The following F7 variants were observed in gnomAD, a reference collection of about 807,000 sequenced individuals.
F7 encodes the protein FVII coagulation protein.
F7 carries 38 observed loss-of-function variants against 47.5 expected under a neutral mutation model. The observed-to-expected ratio is 0.80, with a 90% CI of 0.62 to 1.05. F7 has a LOEUF of 1.05. F7 is among the 50% of genes least tolerant of loss of function. The pLI, the probability that F7 is intolerant of heterozygous loss-of-function variation, is 0.00. For synonymous variants in F7, 244 were observed against 258.5 expected, an observed-to-expected ratio of 0.94 and a Z score of 0.54; for missense variants, 575 against 605.4, an observed-to-expected ratio of 0.95 and a Z score of 0.53.
intron 2 of F7, among the ~76,000 whole-genome samples, chr13:113,111,093 A>G (rs577440720): frequency 6.6e-6 from 1 of 152,260 alleles, no homozygotes; most frequent in African/African-American, 2.4e-5. Context: ...CGGTTTTCAC[A>G]TCAGAAAATA....
At position 113,118,503 on chromosome 13, in the gene F7, C is replaced by A; in HGVS notation, c.830C>A (p.Thr277Asn). Residue 277 changes from threonine (T) to asparagine (N), a missense_variant, in exon 8 of 8, where the codon ACC becomes AAC. Physicochemically the swap from Thr to Asn is moderately conservative, Grantham distance 65 (BLOSUM62 0). Transcript: ENST00000346342. ...IIPSTYVPGT[T>N]NHDIALLRLH... is the part of the protein sequence containing the mutation. Reference sequence around the variant, plus strand: ...CCCAGCACGTACGTCCCGGGCACCACCAACCACGACATCGCGCTGCTCCGC... The same window carrying A: ...CCCAGCACGTACGTCCCGGGCACCAACAACCACGACATCGCGCTGCTCCGC... 6.2e-7 allele frequency: 1 copy of A among 1,611,036 alleles called. No individual in the cohort carries two copies. Among genetic ancestry groups the A allele is most frequent in the Non-Finnish European group, 8.5e-7 (1 of 1,179,848 alleles).
rs1410150340 is a variant in F7, at chr13:113,118,789, T to C, written c.1116T>C (p.Asp372=). Residue 372 remains aspartate, a synonymous_variant, in exon 8 of 8, where the codon GAT becomes GAC. Transcript: ENST00000346342. ...ACATGTTCTGTGCCGGCTACTCGGA[T>C]GGCAGCAAGGACTCCTGCAAGGGGG... ...TEYMFCAGYS[D]GSKDSCKGDS... 1 of 1,613,168 alleles carries C rather than the reference T, an allele frequency of 6.2e-7. No homozygotes were observed. Among genetic ancestry groups the C allele is most frequent in the Non-Finnish European group, 8.5e-7 (1 of 1,179,986 alleles).
At position 113,110,710 on chromosome 13, in the gene F7, G is replaced by T; in HGVS notation, c.85G>T (p.Ala29Ser). The change falls in exon 2 of 8, where the codon GCC (alanine) becomes TCC (serine). Residue 29 changes from alanine (A) to serine (S), a missense_variant. Physicochemically the swap from Ala to Ser is moderately conservative, Grantham distance 99. Coordinates refer to ENST00000346342, the MANE Select transcript of F7 (RefSeq NM_019616.4). ...CCCAGTCTTCGTAACCCAGGAGGAA[G>T]CCCACGGCGTCCTGCACCGGCGCCG... is the stretch of plus-strand genomic sequence containing the variant. ...LAAVFVTQEE[A>S]HGVLHRRRRA... The T allele has an allele frequency of 6.5e-7, 1 of 1,548,658 alleles. No homozygotes were observed. The highest frequency in any genetic ancestry group is 8.7e-7 in the Non-Finnish European group (1 of 1,146,508).
rs1482619882 is a variant in F7 at position 113,105,820 on chromosome 13, G to A, written c.-22G>A. The A allele has an allele frequency of 6.3e-7, 1 of 1,576,450 alleles. No individual in the cohort carries two copies. The highest frequency in any genetic ancestry group is 8.6e-7 in the Non-Finnish European group (1 of 1,161,032). On this transcript the variant is annotated 5_prime_UTR_variant, in exon 1 of 8. Coordinates refer to ENST00000346342, the MANE Select transcript of F7 (RefSeq NM_019616.4). ...CCATGGGGAATGTCAACAGGCAGGG[G>A]CAGCACTGCAGAGATTTCATCATGG...
chr13:113,107,253 CG>C (rs2035979102), intron 1 of F7, among the ~76,000 whole-genome samples: 2 of 149,316 alleles, frequency 1.3e-5, no homozygotes, highest in South Asian at 2.1e-4. Context: ...GTGGGTGTCC[CG>C]GGAGTGTGGG....
intron 1 of F7, among the ~76,000 whole-genome samples, chr13:113,106,626 G>A (rs192982681): frequency 4.0e-5 from 3 of 74,330 alleles, no homozygotes; most frequent in African/African-American, 1.1e-4. Flanking sequence ...TGGGGCATGG[G>A]GGGGTGGGGA....
Position 113,110,731 on chromosome 13 carries a change from CGCCGGCGCGCCAACGCGT to C in F7, c.107_124del (p.Arg36_Phe42delinsLeu). The C allele has an allele frequency of 6.5e-7, 1 of 1,548,852 alleles. No homozygotes were observed. The highest frequency in any genetic ancestry group is 8.7e-7 in the Non-Finnish European group (1 of 1,146,576). ...GGAAGCCCACGGCGTCCTGCACCGG[CGCCGGCGCGCCAACGCGT>C]TCCTGGAGGAGCTGCGGCCGGGCTC... On this transcript the variant is annotated inframe_deletion, in exon 2 of 8. Transcript: ENST00000346342.
rs1223875173 is a variant in F7, at chr13:113,107,325, A to G, written c.64+1420A>G. On this transcript the variant is annotated intron_variant, in intron 1 of 7. Transcript: ENST00000346342. ...GTCCCGGGGGCGTGGGTGTCCCGGG[A>G]GTGTGGGTGTCCCGGGGGCGTGGGT... Among the ~76,000 whole-genome samples, 17 of 42,892 alleles carry G rather than the reference A, an allele frequency of 4.0e-4. 1 individual carries two copies. The highest frequency in any genetic ancestry group is 1.5e-3 in the East Asian group (2 of 1,338). 28.1% of individuals were successfully genotyped at this position (42,892 alleles called of 152,430 possible).
chr13:113,118,465 G>T lies in F7; in HGVS notation c.792G>T (p.Ala264=), dbSNP rs368187411. Residue 264 remains alanine, a synonymous_variant, in exon 8 of 8, where the codon GCG becomes GCT. Coordinates refer to ENST00000346342, the MANE Select transcript of F7 (RefSeq NM_019616.4). ...GGGATGAGCAGAGCCGGCGGGTGGCGCAGGTCATCATCCCCAGCACGTACG... is the reference window on the plus strand; with the variant it reads ...GGGATGAGCAGAGCCGGCGGGTGGCTCAGGTCATCATCCCCAGCACGTACG... ...HDGDEQSRRV[A]QVIIPSTYVP... is the part of the protein sequence containing the mutation. 2 of 1,607,088 alleles carry T rather than the reference G, an allele frequency of 1.2e-6. No individual in the cohort carries two copies. The highest frequency in any genetic ancestry group is 1.7e-5 in the Admixed American group (1 of 59,954).
At chr13:113,105,989 G>GGACACC in intron 1 of F7, 84 bp downstream of exon 1, 2 of 1,284,906 alleles carry the variant, frequency 1.6e-6, no homozygotes, top group South Asian at 2.8e-5. Context: ...CCCAAACCCC[G>GGACACC]CCCTTGCTCC....
chr13:113,107,043 C>G (rs999621770), intron 1 of F7: 3 of 1,031,302 alleles, frequency 2.9e-6, no homozygotes, highest in East Asian at 2.6e-5. Context: ...GTTCCCTGCT[C>G]GAGAGGAAGT....
At chr13:113,115,205 T>A in intron 4 of F7, among the ~76,000 whole-genome samples, 1 of 152,184 alleles carries the variant, frequency 6.6e-6, no homozygotes, top group East Asian at 1.9e-4. Flanking sequence ...TGGGACTAAC[T>A]GTCCCCAGGC....
At position 113,110,724 on chromosome 13, in the gene F7, G is replaced by A; in HGVS notation, c.99G>A (p.Leu33=). The A allele has an allele frequency of 6.5e-7, 1 of 1,548,816 alleles. No individual in the cohort carries two copies. Among genetic ancestry groups the A allele is most frequent in the South Asian group, 1.2e-5 (1 of 83,998 alleles). ...FVTQEEAHGV[L]HRRRRANAFL... ...CCCAGGAGGAAGCCCACGGCGTCCT[G>A]CACCGGCGCCGGCGCGCCAACGCGT... is the stretch of plus-strand genomic sequence containing the variant. Residue 33 remains leucine (L), a synonymous_variant, in exon 2 of 8, where the codon CTG becomes CTA. Coordinates refer to ENST00000346342, the MANE Select transcript of F7 (RefSeq NM_019616.4).
chr13:113,109,943 G>A (rs182980268), intron 1 of F7, among the ~76,000 whole-genome samples: 2 of 152,230 alleles, frequency 1.3e-5, no homozygotes, highest in Non-Finnish European at 1.5e-5. Flanking sequence ...CACCAGCCCC[G>A]TCTTCCCATG....
In F7 at chr13:113,119,325, G is replaced by T. The variant is rs2036259636; in HGVS notation, c.*317G>T. On this transcript the variant is annotated 3_prime_UTR_variant, in exon 8 of 8. Transcript: ENST00000346342. ...AGAGGGGCAGGGGAGTGCCAAGGTT[G>T]TCCTGGAGGCAGACAGCCCAGCTGA... 2.6e-6 allele frequency: 1 copy of T among 389,370 alleles called. No individual in the cohort carries two copies. The highest frequency in any genetic ancestry group is 4.7e-6 in the Non-Finnish European group (1 of 213,496). 24.1% of individuals were successfully genotyped at this position (389,370 alleles called of 1,614,324 possible).
At chr13:113,116,634 G>A in intron 5 of F7, 132 bp from the exon 6 acceptor site, 1 of 749,830 alleles carries the variant, frequency 1.3e-6, no homozygotes, top group South Asian at 1.5e-5. Flanking sequence ...GGCCCTGGGA[G>A]CTCCTGCTCC....
rs1216620739 is a variant in F7, at chr13:113,110,782, A to T, written c.157A>T (p.Arg53Trp). The change falls in exon 2 of 8, where the codon AGG becomes TGG. Residue 53 changes from arginine (R) to tryptophan (W), a missense_variant. Arg to Trp is a moderately radical substitution (Grantham distance 101). Coordinates refer to ENST00000346342, the MANE Select transcript of F7 (RefSeq NM_019616.4). ...GGAGCTGCGGCCGGGCTCCCTGGAGAGGGAGTGCAAGGAGGAGCAGTGCTC... is the reference window on the plus strand; with the variant it reads ...GGAGCTGCGGCCGGGCTCCCTGGAGTGGGAGTGCAAGGAGGAGCAGTGCTC... ...LEELRPGSLE[R>W]ECKEEQCSFE... is the part of the protein sequence containing the mutation. 1 of 1,551,956 alleles carries T rather than the reference A, an allele frequency of 6.4e-7. No individual in the cohort carries two copies. Among genetic ancestry groups the T allele is most frequent in the East Asian group, 2.4e-5 (1 of 41,172 alleles).
chr13:113,110,982 T>C (rs2515648), intron 2 of F7, 132 bp downstream of exon 2: 1 of 1,080,170 alleles, frequency 9.3e-7, no homozygotes, highest in African/African-American at 1.7e-5. Context: ...GCGCGGCGCT[T>C]TCTGCGGGGG....
chr13:113,106,196 C>T (rs921474898), intron 1 of F7, among the ~76,000 whole-genome samples: 1 of 144,412 alleles, frequency 6.9e-6, no homozygotes, highest in African/African-American at 2.6e-5. Flanking sequence ...GTCGGACAAG[C>T]GCAGGGAGTC....
Sources: gnomAD v4.1 joint callset for allele counts (sites outside exome capture counted in the v4.1 genomes callset) on GRCh38, gnomAD v4.1.1 for gene constraint, MANE v1.5 for transcripts, NCBI Gene and HGNC (gene_info 2026-07-23, HGNC 2026-07-21) for gene names.